The following DPYD variants were observed in gnomAD, a reference collection of about 807,000 sequenced individuals.
The protein encoded by DPYD is dihydropyrimidine dehydrogenase.
Under a neutral mutation model 116.2 loss-of-function variants are expected in DPYD, and 109 were observed. That is an observed-to-expected ratio of 0.94 (90% CI 0.80 to 1.10). The LOEUF (loss-of-function observed/expected upper bound fraction) is 1.10. Among genes scored for constraint, DPYD ranks in the 50% least tolerant of loss-of-function variants. The pLI is 0.00. For missense variants in DPYD, 1,302 were observed against 1,254.5 expected (o/e 1.04, Z -0.57); for synonymous variants, 440 against 432.0 (o/e 1.02, Z -0.23).
At chr1:97,136,755 A>G (rs1023957629) in intron 20 of DPYD, among the ~76,000 whole-genome samples, 2 of 152,222 alleles carry the variant, frequency 1.3e-5, no homozygotes, top group Non-Finnish European at 1.5e-5. Flanking sequence ...AGGTGCTGCC[A>G]TTAAATGACA....
intron 12 of DPYD, among the ~76,000 whole-genome samples, chr1:97,532,194 T>A (rs1649677166): frequency 6.6e-6 from 1 of 152,196 alleles, no homozygotes; most frequent in Non-Finnish European, 1.5e-5. Context: ...TGTTGAACCA[T>A]CTTTGCATCC....
At chr1:97,715,186 C>T (rs1054157503) in intron 5 of DPYD, among the ~76,000 whole-genome samples, 9 of 151,988 alleles carry the variant, frequency 5.9e-5, no homozygotes, top group African/African-American at 2.2e-4. Context: ...TTTGCATGCC[C>T]TCAAGCGTTG....
chr1:97,376,686 C>T (rs1671636450), intron 15 of DPYD, among the ~76,000 whole-genome samples: 1 of 152,106 alleles, frequency 6.6e-6, no homozygotes, highest in African/African-American at 2.4e-5. Flanking sequence ...GGCATGCATT[C>T]TGATTCTTGT....
intron 6 of DPYD, among the ~76,000 whole-genome samples, chr1:97,695,068 A>G (rs534767937): frequency 6.6e-6 from 1 of 152,274 alleles, no homozygotes; most frequent in East Asian, 1.9e-4. Flanking sequence ...AATTCCCCAT[A>G]GGCGACATAT....
At chr1:97,295,828 T>C (rs1467434218) in intron 18 of DPYD, 1 of 880,162 alleles carries the variant, frequency 1.1e-6, no homozygotes, top group Non-Finnish European at 1.4e-6. Flanking sequence ...CATAAAGTTG[T>C]GTGAAGATTA....
chr1:97,196,505 T>C (rs889791737), intron 19 of DPYD, among the ~76,000 whole-genome samples: 26 of 152,172 alleles, frequency 1.7e-4, no homozygotes, highest in Non-Finnish European at 3.1e-4. Flanking sequence ...CTGATTTCTG[T>C]GTATGAGATT....
intron 11 of DPYD, among the ~76,000 whole-genome samples, chr1:97,572,023 T>C (rs1652933951): frequency 6.6e-6 from 1 of 151,902 alleles, no homozygotes; most frequent in Non-Finnish European, 1.5e-5. Flanking sequence ...GGAAGGCTCC[T>C]GGTAAAGTTA....
chr1:97,294,412 C>T (rs949667584), intron 18 of DPYD, among the ~76,000 whole-genome samples: 1 of 152,078 alleles, frequency 6.6e-6, no homozygotes, highest in African/African-American at 2.4e-5. Flanking sequence ...CAATTTCTTC[C>T]CTACCTCACC....
At chr1:97,281,042 A>T (rs931734033) in intron 18 of DPYD, among the ~76,000 whole-genome samples, 2 of 152,188 alleles carry the variant, frequency 1.3e-5, no homozygotes, top group East Asian at 1.9e-4. Flanking sequence ...ACATTATTTT[A>T]AAAACTATCA....
intron 2 of DPYD, among the ~76,000 whole-genome samples, chr1:97,852,005 C>G (rs1670592284): frequency 7.2e-6 from 1 of 139,586 alleles, no homozygotes; most frequent in African/African-American, 2.7e-5. Context: ...AAAGACATAC[C>G]AGAGACTGTG....
At chr1:97,705,778 C>T (rs1661908614) in intron 5 of DPYD, among the ~76,000 whole-genome samples, 1 of 152,088 alleles carries the variant, frequency 6.6e-6, no homozygotes, top group Admixed American at 6.6e-5. Flanking sequence ...TATTTGTCCA[C>T]ATCTTCTCCA....
chr1:97,764,611 A>G (rs1665747952), intron 3 of DPYD, among the ~76,000 whole-genome samples: 1 of 152,078 alleles, frequency 6.6e-6, no homozygotes, highest in African/African-American at 2.4e-5. Context: ...AAAGAAGTAA[A>G]CTAGTTCTAT....
intron 13 of DPYD, among the ~76,000 whole-genome samples, chr1:97,502,861 A>C (rs978337504): frequency 5.2e-4 from 79 of 152,182 alleles, no homozygotes; most frequent in African/African-American, 1.9e-3. Context: ...AAAAAAATTC[A>C]ATCTAAGCCT....
chr1:97,811,243 G>A (rs953431162), intron 3 of DPYD, among the ~76,000 whole-genome samples: 11 of 151,974 alleles, frequency 7.2e-5, no homozygotes, highest in African/African-American at 2.7e-4. Context: ...ATACATTTGT[G>A]TGGTTATTTG....
intron 16 of DPYD, among the ~76,000 whole-genome samples, chr1:97,326,745 C>A (rs1298996779): frequency 1.3e-5 from 2 of 151,906 alleles, no homozygotes; most frequent in East Asian, 3.9e-4. Context: ...AGATGGAAGG[C>A]AGATTGCAAG....
intron 20 of DPYD, among the ~76,000 whole-genome samples, chr1:97,139,431 GA>G (rs2101690335): frequency 6.6e-6 from 1 of 152,208 alleles, no homozygotes; most frequent in Admixed American, 6.5e-5. Flanking sequence ...AAAACATTAT[GA>G]AAAACCTAAT....
chr1:97,751,472 A>G (rs1323282849), intron 3 of DPYD, among the ~76,000 whole-genome samples: 36 of 113,912 alleles, frequency 3.2e-4, no homozygotes, highest in Middle Eastern at 4.2e-3. Flanking sequence ...ATATATATAT[A>G]TATATATATA....
chr1:97,748,336 C>A (rs563944687), intron 3 of DPYD, among the ~76,000 whole-genome samples: 11 of 152,198 alleles, frequency 7.2e-5, no homozygotes, highest in African/African-American at 2.6e-4. Flanking sequence ...TGGCCAGGCA[C>A]GGTGACTCAC....
chr1:97,920,785 TCTCCGGGGTGCGGGGGCCGCGGGGGC>T lies in DPYD; in HGVS notation c.39+73_39+98del, dbSNP rs1424575769. On this transcript the variant is annotated intron_variant, in intron 1 of 22. Coordinates refer to ENST00000370192, the MANE Select transcript of DPYD (RefSeq NM_000110.4). ...GGGGAAACTTTCCCGCGTCTCTCAC[TCTCCGGGGTGCGGGGGCCGCGGGGGC>T]CTCCCCGGCACCTACCCGCAGAGCA... The T allele has an allele frequency of 2.0e-6, 3 of 1,488,360 alleles. No individual in the cohort carries two copies. The African/African-American group carries it at 4.2e-5, about 21-fold the overall frequency. The allele number at this position is 1,488,360 out of a possible 1,614,324, so 92.2% of individuals were successfully genotyped here.
Sources: gnomAD v4.1 joint callset for allele counts (sites outside exome capture counted in the v4.1 genomes callset) on GRCh38, gnomAD v4.1.1 for gene constraint, MANE v1.5 for transcripts, NCBI Gene and HGNC (gene_info 2026-07-23, HGNC 2026-07-21) for gene names.